Variants in LDAF1 observed in about 807,000 individuals in gnomAD.
LDAF1 encodes PROMETHIN.
Under a neutral mutation model 13.5 loss-of-function variants are expected in LDAF1, and 7 were observed. The ratio of observed to expected loss-of-function variants is 0.52; its 90% CI spans 0.29 to 0.97. LDAF1 has a LOEUF of 0.97. Ranked by LOEUF, LDAF1 falls within the 50% of genes least tolerant of loss-of-function variation. The pLI is 0.07. For synonymous variants in LDAF1, 69 were observed against 77.1 expected (o/e 0.89, Z 0.55); for missense variants, 148 against 193.2 (o/e 0.77, Z 1.39).
At chr16:21,158,995 C>T (rs1354517066) in intron 1 of LDAF1, among the ~76,000 whole-genome samples, 1 of 151,756 alleles carries the variant, frequency 6.6e-6, no homozygotes, top group East Asian at 1.9e-4. Flanking sequence ...CACCCCGCCA[C>T]CCCCCAACAC....
intron 1 of LDAF1, chr16:21,160,106 A>G (rs2092951927): frequency 3.3e-6 from 1 of 305,606 alleles, no homozygotes; most frequent in Non-Finnish European, 4.8e-6. Flanking sequence ...ATTACCCCCT[A>G]TATGATAAAT....
intron 2 of LDAF1, among the ~76,000 whole-genome samples, chr16:21,166,520 T>G (rs1232497819): frequency 1.3e-5 from 2 of 152,236 alleles, no homozygotes; most frequent in African/African-American, 4.8e-5. Flanking sequence ...GCAGGTGGCC[T>G]GTGATGGACA....
At chr16:21,170,184 T>C in intron 2 of LDAF1, 1 of 355,466 alleles carries the variant, frequency 2.8e-6, no homozygotes, top group South Asian at 1.2e-4. Flanking sequence ...GTATTTTTAG[T>C]AGAGACGGGG....
chr16:21,160,078 A>G, intron 1 of LDAF1: 1 of 517,700 alleles, frequency 1.9e-6, no homozygotes, highest in Non-Finnish European at 2.5e-6. Context: ...GACCCTGTAC[A>G]GCTTAGTAGT....
At position 21,170,617 on chromosome 16, in the gene LDAF1, C is replaced by T. The variant is rs142430232; in HGVS notation, c.265+12C>T. 2.0e-4 allele frequency: 325 copies of T among 1,613,844 alleles called. 8 individuals carry two copies. The South Asian group carries it at 2.4e-3, about 12-fold the overall frequency. On this transcript the variant is annotated intron_variant, in intron 3 of 4. Transcript: ENST00000233047. ...CATAATATTGGAAGGTAGCCTGTTC[C>T]GTCATTCACCCCTTTAGAAAATAAT... is the stretch of plus-strand genomic sequence containing the variant.
At chr16:21,160,146 C>A (rs2092952504) in intron 1 of LDAF1, among the ~76,000 whole-genome samples, 1 of 148,720 alleles carries the variant, frequency 6.7e-6, no homozygotes, top group South Asian at 2.2e-4. Flanking sequence ...TTAATTTTGG[C>A]CACGTGGACA....
chr16:21,159,544 C>G (rs2092942580), intron 1 of LDAF1: 6 of 1,111,024 alleles, frequency 5.4e-6, no homozygotes, highest in Non-Finnish European at 7.9e-6. Flanking sequence ...TTATTTGGAG[C>G]CTTGGAAGGG....
intron 2 of LDAF1, among the ~76,000 whole-genome samples, chr16:21,163,594 A>G (rs1199850077): frequency 6.6e-6 from 1 of 152,190 alleles, no homozygotes; most frequent in Non-Finnish European, 1.5e-5. Flanking sequence ...GAAGGGAGCC[A>G]AGATCACACC....
At chr16:21,165,561 C>T (rs1351299353) in intron 2 of LDAF1, 4 of 982,334 alleles carry the variant, frequency 4.1e-6, no homozygotes, top group Admixed American at 6.2e-5. Flanking sequence ...ATCTACCCCT[C>T]CCCCTTCTCT....
chr16:21,170,341 G>T, intron 2 of LDAF1, 96 bp from the exon 3 acceptor site: 1 of 1,571,492 alleles, frequency 6.4e-7, no homozygotes, highest in South Asian at 1.2e-5. Context: ...CTGGCTTTAC[G>T]ACTTCTGCCT....
chr16:21,161,603 A>G (rs1158408993), intron 2 of LDAF1, among the ~76,000 whole-genome samples: 1 of 152,200 alleles, frequency 6.6e-6, no homozygotes, highest in Non-Finnish European at 1.5e-5. Context: ...ACATTGAGTC[A>G]TTTGCCACTA....
intron 2 of LDAF1, among the ~76,000 whole-genome samples, chr16:21,164,910 C>G (rs186390984): frequency 6.6e-6 from 1 of 152,188 alleles, no homozygotes; most frequent in Non-Finnish European, 1.5e-5. Flanking sequence ...TTACCTACCT[C>G]GTAGCATTGT....
At chr16:21,170,397 A>G in intron 2 of LDAF1, 40 bp from the exon 3 acceptor site, 1 of 1,610,836 alleles carries the variant, frequency 6.2e-7, no homozygotes. Context: ...TGGGGTTCCG[A>G]TGTGTTACTT....
intron 2 of LDAF1, among the ~76,000 whole-genome samples, chr16:21,167,756 C>G (rs2093039716): frequency 7.0e-6 from 1 of 142,050 alleles, no homozygotes; most frequent in South Asian, 2.2e-4. Flanking sequence ...CCTGTAATCT[C>G]AGCACTTTGG....
At chr16:21,171,150 C>T (rs920227057) in intron 3 of LDAF1, among the ~76,000 whole-genome samples, 4 of 152,196 alleles carry the variant, frequency 2.6e-5, no homozygotes, top group Non-Finnish European at 4.4e-5. Flanking sequence ...CCAGATGCCT[C>T]GCTAGGTACT....
intron 1 of LDAF1, among the ~76,000 whole-genome samples, chr16:21,160,705 A>T (rs2092962599): frequency 6.6e-6 from 1 of 152,214 alleles, no homozygotes; most frequent in East Asian, 1.9e-4. Context: ...ATCTTTTTTT[A>T]AAAGTATCAT....
intron 3 of LDAF1, chr16:21,172,874 C>A (rs1019960917): frequency 1.0e-6 from 1 of 983,756 alleles, no homozygotes. Flanking sequence ...GGGTCCCTCC[C>A]TGAAACCATC....
At chr16:21,176,537 G>T (rs1435075153) in intron 4 of LDAF1, among the ~76,000 whole-genome samples, 1 of 152,068 alleles carries the variant, frequency 6.6e-6, no homozygotes, top group African/African-American at 2.4e-5. Flanking sequence ...CAGCTACTCA[G>T]GAGGCTGAGA....
chr16:21,170,890 C>T (rs1485184999), intron 3 of LDAF1, among the ~76,000 whole-genome samples: 1 of 152,158 alleles, frequency 6.6e-6, no homozygotes, highest in African/African-American at 2.4e-5. Flanking sequence ...GCATTCAAAT[C>T]CCACCTCCAC....
Sources: gnomAD v4.1 joint callset for allele counts (sites outside exome capture counted in the v4.1 genomes callset) on GRCh38, gnomAD v4.1.1 for gene constraint, MANE v1.5 for transcripts, NCBI Gene and HGNC (gene_info 2026-07-23, HGNC 2026-07-21) for gene names.